NTN4: variants seen among roughly 807,000 people sequenced by gnomAD.
NTN4 encodes netrin-4.
A neutral mutation model predicts 73.6 loss-of-function variants in NTN4; 32 were observed. The observed-to-expected ratio is 0.44, with a 90% CI of 0.33 to 0.58. NTN4 has a LOEUF of 0.58. Ranked by LOEUF, NTN4 falls within the 20% of genes least tolerant of loss-of-function variation. The probability of loss-of-function intolerance (pLI) is 0.04; values close to 1 mark genes in which losing one functional copy is unlikely to be tolerated. For synonymous variants in NTN4, 258 were observed against 287.5 expected (o/e 0.90, Z 1.04); for missense variants, 654 against 798.3 (o/e 0.82, Z 2.18).
At chr12:95,664,207 C>A (rs1343373164) in intron 9 of NTN4, among the ~76,000 whole-genome samples, 1 of 151,942 alleles carries the variant, frequency 6.6e-6, no homozygotes, top group Non-Finnish European at 1.5e-5. Flanking sequence ...GAATTTGCCA[C>A]CACACCCAGC....
chr12:95,691,270 C>G (rs533126628), intron 5 of NTN4, among the ~76,000 whole-genome samples: 4 of 152,324 alleles, frequency 2.6e-5, no homozygotes, highest in African/African-American at 4.8e-5. Context: ...AGTTCTGATT[C>G]CCCAACACAT....
At chr12:95,692,651 T>C (rs1472048061) in intron 5 of NTN4, among the ~76,000 whole-genome samples, 1 of 152,210 alleles carries the variant, frequency 6.6e-6, no homozygotes, top group East Asian at 1.9e-4. Flanking sequence ...TTCAAATATC[T>C]TGTGTGTGCA....
At chr12:95,755,617 A>T (rs1185204677) in intron 2 of NTN4, among the ~76,000 whole-genome samples, 4 of 152,194 alleles carry the variant, frequency 2.6e-5, no homozygotes, top group Non-Finnish European at 5.9e-5. Context: ...AAAGTGGGAA[A>T]GTCTTATCTT....
intron 5 of NTN4, among the ~76,000 whole-genome samples, chr12:95,686,557 G>A (rs148728793): frequency 0.016 from 2,489 of 151,914 alleles, 73 homozygotes; most frequent in African/African-American, 0.057. Context: ...TCAGGAGATC[G>A]AGGCCAGCCT....
intron 5 of NTN4, among the ~76,000 whole-genome samples, chr12:95,704,347 T>A (rs918329233): frequency 6.6e-6 from 1 of 152,234 alleles, no homozygotes; most frequent in Non-Finnish European, 1.5e-5. Flanking sequence ...GTTTTCTTGA[T>A]ACTACCTTCC....
chr12:95,790,090 A>G lies in NTN4; in HGVS notation c.55+165T>C. The G allele has an allele frequency of 1.8e-6, 1 of 541,524 alleles. No homozygotes were observed. The highest frequency in any genetic ancestry group is 3.2e-6 in the Non-Finnish European group (1 of 309,062). 33.5% of individuals were successfully genotyped at this position (541,524 alleles called of 1,614,324 possible). A position where few individuals can be genotyped will look rare whatever the true frequency, so the allele number is the denominator to read the frequency against. Reference sequence around the variant, plus strand: ...TGTAAAAATAAATCAATAGTATTTGAAACTGCGGAGCCCCGGGGAAAGGAG... The same window carrying G: ...TGTAAAAATAAATCAATAGTATTTGGAACTGCGGAGCCCCGGGGAAAGGAG... On this transcript the variant is annotated intron_variant, in intron 1 of 9. Coordinates refer to ENST00000343702, the MANE Select transcript of NTN4 (RefSeq NM_021229.4). This position sits in a 1 kb window ranked among gnomAD's most constrained non-coding sequence, Gnocchi z 6.5.
chr12:95,751,748 C>A (rs963832501), intron 2 of NTN4, among the ~76,000 whole-genome samples: 13 of 151,232 alleles, frequency 8.6e-5, no homozygotes, highest in African/African-American at 1.2e-4. Context: ...CCTTCTTAAT[C>A]TATACGGAGG....
In NTN4 at chr12:95,658,660, C is replaced by CTCTT. The variant is rs2078110658; in HGVS notation, c.*422_*425dup. 1 of 153,802 alleles carries CTCTT rather than the reference C, an allele frequency of 6.5e-6. No homozygotes were observed. Among genetic ancestry groups the CTCTT allele is most frequent in the Non-Finnish European group, 1.4e-5 (1 of 68,978 alleles). The allele number at this position is 153,802 out of a possible 1,614,324, so 9.5% of individuals were successfully genotyped here. On this transcript the variant is annotated 3_prime_UTR_variant, in exon 10 of 10. Coordinates refer to ENST00000343702, the MANE Select transcript of NTN4 (RefSeq NM_021229.4). The stretch of plus-strand genomic sequence containing the variant: ...TTCATGCGTAACACACAAGAGAAGG[C>CTCTT]TCTTTAACAAACACCTTTTCTGATA...
At chr12:95,691,163 T>G (rs1354399212) in intron 5 of NTN4, among the ~76,000 whole-genome samples, 5 of 152,246 alleles carry the variant, frequency 3.3e-5, no homozygotes, top group African/African-American at 1.2e-4. Flanking sequence ...GCAGTCAATA[T>G]CTGACACATA....
At chr12:95,763,535 T>C (rs892295212) in intron 2 of NTN4, among the ~76,000 whole-genome samples, 1 of 152,202 alleles carries the variant, frequency 6.6e-6, no homozygotes, top group African/African-American at 2.4e-5. Flanking sequence ...TAACTTCTAT[T>C]CTCCAGGTAA....
At chr12:95,712,918 G>A (rs1565893205) in intron 4 of NTN4, among the ~76,000 whole-genome samples, 1 of 150,694 alleles carries the variant, frequency 6.6e-6, no homozygotes, top group African/African-American at 2.4e-5. Context: ...AATTACAGGT[G>A]TGAGCCATCC....
intron 3 of NTN4, among the ~76,000 whole-genome samples, chr12:95,715,518 A>G (rs2078598955): frequency 6.6e-6 from 1 of 152,128 alleles, no homozygotes; most frequent in Non-Finnish European, 1.5e-5. Flanking sequence ...CCTTCTCTTC[A>G]TGGCTCTCTG....
chr12:95,762,354 C>T (rs1433182326), intron 2 of NTN4, among the ~76,000 whole-genome samples: 1 of 152,324 alleles, frequency 6.6e-6, no homozygotes, highest in Non-Finnish European at 1.5e-5. Flanking sequence ...TACTCTAGTA[C>T]TAGGCAGCAT....
At chr12:95,660,140 A>C (rs969746541) in intron 9 of NTN4, among the ~76,000 whole-genome samples, 2 of 152,076 alleles carry the variant, frequency 1.3e-5, no homozygotes, top group African/African-American at 4.8e-5. Context: ...CGGCTTCCCA[A>C]ATAGCTGGGA....
intron 3 of NTN4, among the ~76,000 whole-genome samples, chr12:95,736,695 G>A (rs2078780566): frequency 6.6e-6 from 1 of 152,192 alleles, no homozygotes; most frequent in Admixed American, 6.5e-5. Context: ...GCAGGTATCT[G>A]TTGAATGAAT....
intron 4 of NTN4, 60 bp downstream of exon 4, chr12:95,713,152 G>A (rs1592680292): frequency 1.3e-6 from 2 of 1,573,798 alleles, no homozygotes; most frequent in East Asian, 2.3e-5. Flanking sequence ...ACAACAAGGA[G>A]TCCACAGATG....
At position 95,706,002 on chromosome 12, in the gene NTN4, C is replaced by T. The variant is rs77624530; in HGVS notation, c.1180+4439G>A. ...GGATTGAAAAAATAATAAAAAGTTA[C>T]GGGTGTTGTTTAATTTTAGCTGCAT... On this transcript the variant is annotated intron_variant, in intron 5 of 9. Coordinates refer to ENST00000343702, the MANE Select transcript of NTN4 (RefSeq NM_021229.4). Among the ~76,000 whole-genome samples the T allele has an allele frequency of 2.0e-3, 311 of 152,222 alleles. 3 individuals carry two copies. The highest frequency in any genetic ancestry group is 6.9e-3 in the African/African-American group (287 of 41,550).
In NTN4 at chr12:95,672,384, T is replaced by G; in HGVS notation, c.1511-2238A>C. The G allele has an allele frequency of 3.3e-6, 3 of 897,436 alleles. 1 individual carries two copies. Among genetic ancestry groups the G allele is most frequent in the Non-Finnish European group, 5.7e-6 (3 of 527,726 alleles). The allele number at this position is 897,436 out of a possible 1,614,324, so 55.6% of individuals were successfully genotyped here. A position where few individuals can be genotyped will look rare whatever the true frequency, so the allele number is the denominator to read the frequency against. ...GATCCACTTCAGCAGCTGGTACGAC[T>G]CCGACCTGAGCCCGGCAGGCCACCA... On this transcript the variant is annotated intron_variant, in intron 7 of 9. Coordinates refer to ENST00000343702, the MANE Select transcript of NTN4 (RefSeq NM_021229.4).
intron 5 of NTN4, among the ~76,000 whole-genome samples, chr12:95,708,987 A>C (rs572594764): frequency 9.8e-5 from 15 of 152,288 alleles, no homozygotes; most frequent in Admixed American, 3.3e-4. Context: ...TGGGAGAAAT[A>C]TTATGACACA....
Sources: gnomAD v4.1 joint callset for allele counts (sites outside exome capture counted in the v4.1 genomes callset) on GRCh38, gnomAD v4.1.1 for gene constraint, Gnocchi (gnomAD v3.1) non-coding constraint, MANE v1.5 for transcripts, NCBI Gene and HGNC (gene_info 2026-07-23, HGNC 2026-07-21) for gene names.